The following PHACTR1 variants were observed in gnomAD, a reference collection of about 807,000 sequenced individuals.
PHACTR1 encodes the protein RPEL repeat containing 1.
Under a neutral mutation model 69.2 loss-of-function variants are expected in PHACTR1, and 16 were observed. That is an observed-to-expected ratio of 0.23 (90% CI 0.16 to 0.35). The LOEUF (loss-of-function observed/expected upper bound fraction) is 0.35, where lower values mean the gene tolerates loss of function less well. Among genes scored for constraint, PHACTR1 ranks in the 10% least tolerant of loss-of-function variants. The pLI is 1.00. For synonymous variants in PHACTR1, 312 were observed against 284.5 expected (o/e 1.10, Z -0.97); for missense variants, 510 against 734.7 (o/e 0.69, Z 3.54).
intron 4 of PHACTR1, among the ~76,000 whole-genome samples, chr6:13,038,839 A>G (rs2127707956): frequency 6.6e-6 from 1 of 152,256 alleles, no homozygotes; most frequent in East Asian, 1.9e-4. Flanking sequence ...CTAGCTTACA[A>G]CTCCATTATT....
At chr6:13,188,533 C>T (rs1173977713) in intron 7 of PHACTR1, among the ~76,000 whole-genome samples, 1 of 152,134 alleles carries the variant, frequency 6.6e-6, no homozygotes, top group Non-Finnish European at 1.5e-5. Context: ...GTGACAGTGG[C>T]TAATGGTCTG....
In PHACTR1 at chr6:13,218,786, GAA is replaced by G. The variant is rs552540033; in HGVS notation, c.987-9029_987-9028del. On this transcript the variant is annotated intron_variant, in intron 8 of 14. Coordinates refer to ENST00000332995, the MANE Select transcript of PHACTR1 (RefSeq NM_030948.6). ...ATGAGCTATTTAAAAAGAAGAAGAAGAAGAAGGAGGAGGAGAAGAAGAAGAAG... is the reference window on the plus strand; with the variant it reads ...ATGAGCTATTTAAAAAGAAGAAGAAGGAAGGAGGAGGAGAAGAAGAAGAAG... Among the ~76,000 whole-genome samples, 472 of 150,924 alleles carry G rather than the reference GAA, an allele frequency of 3.1e-3. 3 individuals are homozygous for G. The highest frequency in any genetic ancestry group is 0.011 in the African/African-American group (445 of 41,068).
chr6:12,965,422 A>C (rs1337882946), intron 4 of PHACTR1, among the ~76,000 whole-genome samples: 1 of 138,150 alleles, frequency 7.2e-6, no homozygotes, highest in Non-Finnish European at 1.6e-5. Flanking sequence ...CATCCTGTTG[A>C]TGTGTCTTTT....
At chr6:13,079,362 TTCCATGTGGGCATA>T (rs1284287017) in intron 5 of PHACTR1, among the ~76,000 whole-genome samples, 4 of 152,176 alleles carry the variant, frequency 2.6e-5, no homozygotes, top group Non-Finnish European at 5.9e-5. Context: ...GACATTCCAT[TTCCATGTGGGCATA>T]TTTACATTTA....
chr6:12,946,048 A>G (rs1582634391), intron 4 of PHACTR1, among the ~76,000 whole-genome samples: 1 of 151,420 alleles, frequency 6.6e-6, no homozygotes, highest in Admixed American at 6.6e-5. Context: ...TGGATCTAGT[A>G]TACAGTATTA....
At position 12,845,652 on chromosome 6, in the gene PHACTR1, T is replaced by A. The variant is rs997312875; in HGVS notation, c.250+95862T>A. On this transcript the variant is annotated intron_variant, in intron 4 of 14. Coordinates refer to ENST00000332995, the MANE Select transcript of PHACTR1 (RefSeq NM_030948.6). Reference sequence around the variant, plus strand: ...CGAAAGGAAGATAGACTGAGGTTAATGCATCTCTTTAGTTTGCTTCCTGCA... The same window carrying A: ...CGAAAGGAAGATAGACTGAGGTTAAAGCATCTCTTTAGTTTGCTTCCTGCA... Among the ~76,000 whole-genome samples the A allele has an allele frequency of 2.0e-5, 3 of 152,154 alleles. No individual in the cohort carries two copies. The East Asian group carries it at 5.8e-4, about 29-fold the overall frequency.
intron 6 of PHACTR1, among the ~76,000 whole-genome samples, chr6:13,165,705 A>G (rs1446505042): frequency 6.6e-6 from 1 of 152,136 alleles, no homozygotes; most frequent in Non-Finnish European, 1.5e-5. Context: ...TGATATTTTC[A>G]CAGAGACCTA....
chr6:13,106,841 A>T (rs1038910227), intron 5 of PHACTR1, among the ~76,000 whole-genome samples: 5 of 152,160 alleles, frequency 3.3e-5, no homozygotes, highest in Non-Finnish European at 7.3e-5. Context: ...CTGCAATTCA[A>T]TGCCTTTTGA....
intron 3 of PHACTR1, among the ~76,000 whole-genome samples, chr6:12,721,214 T>C (rs566171438): frequency 3.9e-5 from 6 of 152,030 alleles, no homozygotes; most frequent in African/African-American, 1.2e-4. Context: ...GGTGAAACCC[T>C]GTCTCTACTA....
chr6:13,128,652 T>C (rs750866022), intron 5 of PHACTR1, among the ~76,000 whole-genome samples: 14 of 151,850 alleles, frequency 9.2e-5, no homozygotes, highest in Non-Finnish European at 1.8e-4. Flanking sequence ...ATTGAGATTA[T>C]GTTAAATCAC....
intron 4 of PHACTR1, among the ~76,000 whole-genome samples, chr6:13,013,553 C>T (rs1799689253): frequency 6.6e-6 from 1 of 152,184 alleles, no homozygotes; most frequent in Non-Finnish European, 1.5e-5. Context: ...AGCAGGCTCT[C>T]AGTAGCTGGT....
intron 4 of PHACTR1, among the ~76,000 whole-genome samples, chr6:12,987,975 C>G (rs1484077092): frequency 6.6e-6 from 1 of 152,176 alleles, no homozygotes; most frequent in African/African-American, 2.4e-5. Flanking sequence ...CACTTACACT[C>G]TCCTGCTGGG....
chr6:12,905,723 G>A (rs1319740466), intron 4 of PHACTR1, among the ~76,000 whole-genome samples: 5 of 152,184 alleles, frequency 3.3e-5, no homozygotes, highest in African/African-American at 1.2e-4. Flanking sequence ...AGGAGTATTT[G>A]CCAGTTTCAT....
At chr6:13,126,418 G>GCAAGTATATA (rs1363749913) in intron 5 of PHACTR1, among the ~76,000 whole-genome samples, 1 of 152,192 alleles carries the variant, frequency 6.6e-6, no homozygotes, top group African/African-American at 2.4e-5. Flanking sequence ...TGTTGAAAGT[G>GCAAGTATATA]TACTAAATGC....
chr6:12,856,797 C>G (rs964258959), intron 4 of PHACTR1, among the ~76,000 whole-genome samples: 10 of 152,186 alleles, frequency 6.6e-5, no homozygotes, highest in African/African-American at 2.4e-4. Context: ...CCAGTCTAAA[C>G]AAAATGCTGG....
chr6:12,775,859 G>A (rs1769996993), intron 4 of PHACTR1, among the ~76,000 whole-genome samples: 1 of 152,024 alleles, frequency 6.6e-6, no homozygotes, highest in Admixed American at 6.6e-5. Context: ...CTATGGATGA[G>A]AAACCATTCA....
At chr6:12,903,050 T>C (rs906089371) in intron 4 of PHACTR1, among the ~76,000 whole-genome samples, 1 of 152,164 alleles carries the variant, frequency 6.6e-6, no homozygotes, top group African/African-American at 2.4e-5. Flanking sequence ...AACGTCTTCA[T>C]GAGAGGTGAC....
At chr6:13,248,961 T>C (rs7744379) in intron 10 of PHACTR1, among the ~76,000 whole-genome samples, 37 of 152,176 alleles carry the variant, frequency 2.4e-4, no homozygotes, top group African/African-American at 8.9e-4. Flanking sequence ...TTATTGAGAG[T>C]GATAAGGATG....
chr6:13,137,104 C>G lies in PHACTR1; in HGVS notation c.416-23100C>G, dbSNP rs1821683317. 2.0e-5 allele frequency among the ~76,000 whole-genome samples: 3 copies of G among 152,202 alleles called. No individual in the cohort carries two copies. The South Asian group carries it at 6.2e-4, about 31-fold the overall frequency. On this transcript the variant is annotated intron_variant, in intron 5 of 14. Transcript: ENST00000332995. ...TTCAATTTGTATAAAATGCTGTCTT[C>G]TAAGCACTAAGACAAGGTACGCTTG... is the stretch of plus-strand genomic sequence containing the variant.
Sources: allele counts gnomAD v4.1 joint callset (sites outside exome capture counted in the v4.1 genomes callset), GRCh38; gene constraint gnomAD v4.1.1; transcripts MANE v1.5; gene names NCBI Gene and HGNC (gene_info 2026-07-23, HGNC 2026-07-21).